PSME4: variants seen among roughly 807,000 people sequenced by gnomAD.
PSME4 encodes the protein proteasome activator complex subunit 4.
In PSME4, 89 loss-of-function variants were observed where a neutral mutation model predicts 253.9. The ratio of observed to expected loss-of-function variants is 0.35; its 90% CI spans 0.30 to 0.42. The LOEUF is 0.42. Among genes scored for constraint, PSME4 ranks in the 10% least tolerant of loss-of-function variants. PSME4 has a pLI of 1.00. For missense variants in PSME4, 2,014 were observed against 2,195.2 expected, an observed-to-expected ratio of 0.92 and a Z score of 1.65; for synonymous variants, 851 against 759.2, an observed-to-expected ratio of 1.12 and a Z score of -1.99.
Position 53,892,937 on chromosome 2 carries a change from A to G in PSME4, c.4062T>C (p.Asp1354=), listed in dbSNP as rs756287888. ...GGGGCTTCAGAACTGGCAGGAAGGC[A>G]TCATCAAAATTCCTGAATATACCCT... is the stretch of plus-strand genomic sequence containing the variant. ...LFKGIFRNFD[D]AFLPVLKPHL... The change falls in exon 36 of 47, where the codon GAT becomes GAC. Residue 1354 remains aspartate, a synonymous_variant. Coordinates refer to ENST00000404125, the MANE Select transcript of PSME4 (RefSeq NM_014614.3). 4.3e-6 allele frequency: 7 copies of G among 1,613,384 alleles called. No individual in the cohort carries two copies. Among genetic ancestry groups the G allele is most frequent in the East Asian group, 2.2e-5 (1 of 44,846 alleles).
intron 44 of PSME4, 107 bp downstream of exon 44, chr2:53,869,269 C>G (rs1415494317): frequency 6.1e-6 from 7 of 1,146,474 alleles, no homozygotes; most frequent in Non-Finnish European, 8.4e-6. Context: ...CAATACCTAG[C>G]ATAGACCTGG....
chr2:53,966,604 T>C (rs1670749829), intron 1 of PSME4, among the ~76,000 whole-genome samples: 1 of 151,618 alleles, frequency 6.6e-6, no homozygotes, highest in South Asian at 2.1e-4. Context: ...CAAGGCCAGA[T>C]ACACCTCACG....
rs1669415411 is a variant in PSME4 at position 53,940,976 on chromosome 2, T to TTTAA, written c.501-977_501-976insTTAA. 7.2e-5 allele frequency among the ~76,000 whole-genome samples: 4 copies of TTTAA among 55,730 alleles called. 1 individual carries two copies. Among genetic ancestry groups the TTTAA allele is most frequent in the Admixed American group, 6.6e-4 (3 of 4,572 alleles). The allele number at this position is 55,730 out of a possible 152,430, so 36.6% of individuals were successfully genotyped here. A position where few individuals can be genotyped will look rare whatever the true frequency, so the allele number is the denominator to read the frequency against. On this transcript the variant is annotated intron_variant, in intron 3 of 46. Transcript: ENST00000404125. ...ACATATATATATATATATATATATA[T>TTTAA]ATATATATATATATATATATATATG... is the stretch of plus-strand genomic sequence containing the variant.
At chr2:53,956,454 C>T (rs1210278233) in intron 1 of PSME4, among the ~76,000 whole-genome samples, 3 of 151,542 alleles carry the variant, frequency 2.0e-5, no homozygotes, top group Non-Finnish European at 2.9e-5. Flanking sequence ...CGCTTGAACC[C>T]GGGAGGCGGA....
chr2:53,914,368 A>T (rs1667963534), intron 20 of PSME4, among the ~76,000 whole-genome samples: 1 of 152,202 alleles, frequency 6.6e-6, no homozygotes, highest in African/African-American at 2.4e-5. Flanking sequence ...TTATGAGTAT[A>T]AACTATACCA....
intron 27 of PSME4, among the ~76,000 whole-genome samples, chr2:53,901,780 A>G (rs1680410461): frequency 6.6e-6 from 1 of 152,244 alleles, no homozygotes; most frequent in Non-Finnish European, 1.5e-5. Flanking sequence ...CATTTAATAA[A>G]GAGTTTGGGA....
chr2:53,923,875 A>G (rs985626500), intron 14 of PSME4, among the ~76,000 whole-genome samples: 1 of 143,876 alleles, frequency 7.0e-6, no homozygotes, highest in Non-Finnish European at 1.5e-5. Context: ...GTGAGCCGAG[A>G]TCGCGACACT....
chr2:53,937,990 C>G (rs953068572), intron 4 of PSME4, among the ~76,000 whole-genome samples: 2 of 147,776 alleles, frequency 1.4e-5, no homozygotes, highest in African/African-American at 5.0e-5. Context: ...GAGACTCCAT[C>G]TCAAAAAAAA....
At chr2:53,941,315 C>T (rs1040654392) in intron 3 of PSME4, among the ~76,000 whole-genome samples, 3 of 149,100 alleles carry the variant, frequency 2.0e-5, no homozygotes, top group African/African-American at 7.4e-5. Flanking sequence ...AAAGAAACTA[C>T]ATGGCCAAAA....
chr2:53,893,688 A>C lies in PSME4; in HGVS notation c.4024T>G (p.Phe1342Val). ...AATATAGTTACCTTAAAGAGGCAAA[A>C]ACGTCGTGGATTAAACTTATCTTTT... The part of the protein sequence containing the change: ...KGKDKFNPRR[F>V]CLFKGIFRNF... The change falls in exon 35 of 47, where the codon TTT (phenylalanine) becomes GTT (valine). Residue 1342 changes from phenylalanine to valine, a missense_variant. This residue lies in a region of PSME4 where 989 missense variants were observed against 1,021.1 expected (regional missense o/e 0.97). Coordinates refer to ENST00000404125, the MANE Select transcript of PSME4 (RefSeq NM_014614.3). The C allele has an allele frequency of 6.2e-7, 1 of 1,610,040 alleles. No individual in the cohort carries two copies. The highest frequency in any genetic ancestry group is 1.7e-5 in the Admixed American group (1 of 59,632).
chr2:53,899,462 G>T (rs954125435), intron 29 of PSME4, among the ~76,000 whole-genome samples: 2 of 152,080 alleles, frequency 1.3e-5, no homozygotes, highest in East Asian at 1.9e-4. Context: ...ATTTTTTTCA[G>T]AAGTCAATGT....
At chr2:53,922,172 AAAAAGAAAAGAAAAG>A (rs370610943) in intron 17 of PSME4, among the ~76,000 whole-genome samples, 3 of 151,920 alleles carry the variant, frequency 2.0e-5, no homozygotes, top group East Asian at 1.9e-4. Context: ...AAAAAGAAGA[AAAAAGAAAAGAAAAG>A]AAAAGAAAAG....
intron 17 of PSME4, among the ~76,000 whole-genome samples, chr2:53,922,120 C>T (rs1446195509): frequency 6.6e-6 from 1 of 151,524 alleles, no homozygotes; most frequent in Non-Finnish European, 1.5e-5. Flanking sequence ...TGCAGTGAGC[C>T]GAGATTGCAC....
chr2:53,944,461 A>C (rs1003082156), intron 3 of PSME4, among the ~76,000 whole-genome samples: 2 of 152,184 alleles, frequency 1.3e-5, no homozygotes, highest in African/African-American at 4.8e-5. Flanking sequence ...TGCCCAGCCG[A>C]ATTTTGTTAA....
chr2:53,921,150 C>T, intron 17 of PSME4, 46 bp from the exon 18 acceptor site: 1 of 1,607,572 alleles, frequency 6.2e-7, no homozygotes, highest in Non-Finnish European at 8.5e-7. Context: ...GTTAAAAGAA[C>T]AAGAACCAAT....
intron 43 of PSME4, chr2:53,869,763 A>C (rs1233977019): frequency 5.8e-6 from 2 of 342,612 alleles, no homozygotes; most frequent in Admixed American, 4.4e-5. Context: ...ATAAACTTTT[A>C]TCTCTTTTAG....
intron 41 of PSME4, among the ~76,000 whole-genome samples, chr2:53,884,478 GCATTACAGGTGTGAAC>G (rs1344367261): frequency 9.9e-5 from 15 of 151,058 alleles, no homozygotes; most frequent in African/African-American, 3.2e-4. Flanking sequence ...CAAAGTGCTG[GCATTACAGGTGTGAAC>G]CACCACACCG....
chr2:53,890,600 C>G (rs754756871), intron 36 of PSME4, among the ~76,000 whole-genome samples: 8 of 152,192 alleles, frequency 5.3e-5, no homozygotes, highest in East Asian at 1.9e-4. Context: ...AGCTAGCATG[C>G]CTGGCCCTAA....
chr2:53,874,403 T>G lies in PSME4; in HGVS notation c.5036A>C (p.Asn1679Thr). 1 of 1,614,068 alleles carries G rather than the reference T, an allele frequency of 6.2e-7. No homozygotes were observed. Among genetic ancestry groups the G allele is most frequent in the Non-Finnish European group, 8.5e-7 (1 of 1,179,956 alleles). Residue 1679 changes from asparagine (N) to threonine (T), a missense_variant, in exon 43 of 47, where the codon AAT becomes ACT. Physicochemically the swap from Asn to Thr is moderately conservative, Grantham distance 65. Transcript: ENST00000404125. ...CCTGATATCTTTAACTGCATCTTCATTGTTTAGGAAAATAAAGAGGTTATA... is the reference window on the plus strand; with the variant it reads ...CCTGATATCTTTAACTGCATCTTCAGTGTTTAGGAAAATAAAGAGGTTATA... ...VFYNLFIFLN[N>T]EDAVKDIRWL...
Sources: allele counts gnomAD v4.1 joint callset (sites outside exome capture counted in the v4.1 genomes callset), GRCh38; gene constraint gnomAD v4.1.1; regional missense constraint gnomAD v4.1.1; transcripts MANE v1.5; gene names NCBI Gene and HGNC (gene_info 2026-07-23, HGNC 2026-07-21).